The following NAALADL2 variants were observed in gnomAD, a reference collection of about 807,000 sequenced individuals.
NAALADL2 encodes N-acetylated alpha-linked acidic dipeptidase like 2, also known as inactive N-acetylated-alpha-linked acidic dipeptidase-like protein 2.
A neutral mutation model predicts 87.2 loss-of-function variants in NAALADL2; 76 were observed. That is an observed-to-expected ratio of 0.87 (90% confidence interval 0.72 to 1.05). The LOEUF (loss-of-function observed/expected upper bound fraction) is 1.05. NAALADL2 is among the 50% of genes least tolerant of loss of function. The pLI is 0.00. For synonymous variants in NAALADL2, 354 were observed against 331.0 expected (o/e 1.07, Z -0.75); for missense variants, 1,089 against 945.8 (o/e 1.15, Z -1.99).
intron 2 of NAALADL2, among the ~76,000 whole-genome samples, chr3:174,704,872 A>G (rs942957600): frequency 2.0e-5 from 3 of 152,212 alleles, no homozygotes; most frequent in South Asian, 4.1e-4. Context: ...ATTTAACAAT[A>G]CACTAATTGA....
At chr3:175,660,815 G>A (rs1222026211) in intron 11 of NAALADL2, among the ~76,000 whole-genome samples, 1 of 151,954 alleles carries the variant, frequency 6.6e-6, no homozygotes, top group Non-Finnish European at 1.5e-5. Flanking sequence ...AGATCCATCC[G>A]TGTTGCTGCA....
intron 2 of NAALADL2, among the ~76,000 whole-genome samples, chr3:174,604,920 C>G (rs562438812): frequency 6.6e-6 from 1 of 151,842 alleles, no homozygotes; most frequent in Non-Finnish European, 1.5e-5. Flanking sequence ...AGGCACGCAC[C>G]ACCACCCCGG....
intron 1 of NAALADL2, among the ~76,000 whole-genome samples, chr3:174,907,659 T>C (rs1021770368): frequency 6.6e-6 from 1 of 152,110 alleles, no homozygotes; most frequent in African/African-American, 2.4e-5. Flanking sequence ...TCCTTTTCTA[T>C]GATGACATCA....
At chr3:174,611,808 G>C (rs1401296839) in intron 2 of NAALADL2, among the ~76,000 whole-genome samples, 1 of 151,934 alleles carries the variant, frequency 6.6e-6, no homozygotes, top group East Asian at 1.9e-4. Flanking sequence ...TATTAGCCAG[G>C]CTGGTCTCAA....
intron 2 of NAALADL2, among the ~76,000 whole-genome samples, chr3:175,207,069 T>G (rs994825713): frequency 1.3e-5 from 2 of 152,266 alleles, no homozygotes; most frequent in Non-Finnish European, 2.9e-5. Flanking sequence ...ACGTATATAT[T>G]GTAACATAAA....
intron 3 of NAALADL2, among the ~76,000 whole-genome samples, chr3:174,809,312 T>C (rs2109286631): frequency 1.3e-5 from 2 of 152,248 alleles, no homozygotes; most frequent in East Asian, 3.9e-4. Context: ...GAGCTTTTAC[T>C]GAAAGGAACC....
chr3:175,556,221 A>AT (rs201427394), intron 9 of NAALADL2, among the ~76,000 whole-genome samples: 8 of 152,158 alleles, frequency 5.3e-5, no homozygotes, highest in African/African-American at 1.9e-4. Context: ...AGCAACAAGT[A>AT]TTTAAAAAAT....
At chr3:174,945,578 C>T (rs930402202) in intron 1 of NAALADL2, among the ~76,000 whole-genome samples, 3 of 152,126 alleles carry the variant, frequency 2.0e-5, no homozygotes, top group African/African-American at 7.2e-5. Flanking sequence ...AATTCTCAAA[C>T]GTTTTGAGCA....
At chr3:175,137,628 CAG>C (rs1729316470) in intron 2 of NAALADL2, among the ~76,000 whole-genome samples, 2 of 135,456 alleles carry the variant, frequency 1.5e-5, no homozygotes, top group East Asian at 2.2e-4. Flanking sequence ...TTTTTTGAGA[CAG>C]AGTCTCCCTC....
At position 174,703,657 on chromosome 3, in the gene NAALADL2, ATAGCTTAGTGGGATTTT is replaced by A. The variant is rs1729782059; in HGVS notation, c.-114-33978_-114-33962del. Among the ~76,000 whole-genome samples the A allele has an allele frequency of 2.0e-5, 3 of 152,220 alleles. No individual in the cohort carries two copies. In the South Asian group the frequency reaches 6.2e-4, roughly 32 times the overall value. On this transcript the variant is annotated intron_variant, in intron 2 of 3. Coordinates refer to the NAALADL2 transcript ENST00000434257. The stretch of plus-strand genomic sequence containing the variant: ...AAATGCATGGTCTGAACATTTTTTA[ATAGCTTAGTGGGATTTT>A]TAGCTACACCAGATTATCATGTAGA...
chr3:175,623,883 T>G (rs1726604930), intron 10 of NAALADL2, among the ~76,000 whole-genome samples: 1 of 151,966 alleles, frequency 6.6e-6, no homozygotes, highest in Non-Finnish European at 1.5e-5. Flanking sequence ...TTTTGTTTGT[T>G]TGTTTTTGAG....
In NAALADL2 at chr3:174,457,659, C is replaced by T. The variant is rs115070897; in HGVS notation, c.-184+16627C>T. 1.2e-3 allele frequency among the ~76,000 whole-genome samples: 185 copies of T among 152,172 alleles called. 1 individual carries two copies. The highest frequency in any genetic ancestry group is 4.2e-3 in the African/African-American group (175 of 41,530). ...GCCAATGTGGTGAAACCCATCTCTGCTAAAGATACAAAAAATTTACTGGGT... is the reference window on the plus strand; with the variant it reads ...GCCAATGTGGTGAAACCCATCTCTGTTAAAGATACAAAAAATTTACTGGGT... On this transcript the variant is annotated intron_variant, in intron 1 of 3. Transcript: ENST00000434257.
At chr3:175,081,372 G>C (rs554387923) in intron 1 of NAALADL2, among the ~76,000 whole-genome samples, 1 of 152,098 alleles carries the variant, frequency 6.6e-6, no homozygotes, top group Non-Finnish European at 1.5e-5. Flanking sequence ...ATGTTCACTG[G>C]TATCTATCTG....
At chr3:174,804,680 T>C (rs1264574569) in intron 3 of NAALADL2, among the ~76,000 whole-genome samples, 1 of 152,068 alleles carries the variant, frequency 6.6e-6, no homozygotes, top group African/African-American at 2.4e-5. Flanking sequence ...GACCCTAACT[T>C]AGACTAAAGA....
chr3:175,097,905 C>T (rs147371984), intron 2 of NAALADL2, among the ~76,000 whole-genome samples: 274 of 152,206 alleles, frequency 1.8e-3, no homozygotes, highest in African/African-American at 6.3e-3. Context: ...GAATCATGTA[C>T]GTTGTTTGTA....
chr3:175,091,238 C>G (rs1449400104), intron 1 of NAALADL2, among the ~76,000 whole-genome samples: 1 of 152,076 alleles, frequency 6.6e-6, no homozygotes. Context: ...TTCACTGTTG[C>G]AGTACCTAAA....
intron 4 of NAALADL2, among the ~76,000 whole-genome samples, chr3:175,289,067 T>C (rs544745610): frequency 6.6e-6 from 1 of 152,274 alleles, no homozygotes; most frequent in African/African-American, 2.4e-5. Context: ...ATAACTCTTT[T>C]GTATGGTTTA....
intron 3 of NAALADL2, among the ~76,000 whole-genome samples, chr3:174,816,484 C>T (rs112137523): frequency 0.012 from 1,758 of 143,422 alleles, 41 homozygotes; most frequent in African/African-American, 0.044. Context: ...AATAAATACA[C>T]GCATATATAT....
intron 1 of NAALADL2, among the ~76,000 whole-genome samples, chr3:174,985,656 T>C (rs1467935677): frequency 3.3e-5 from 5 of 152,000 alleles, no homozygotes; most frequent in Middle Eastern, 3.2e-3. Flanking sequence ...ATTTTCTGAG[T>C]TCTTAAAAAG....
Sources: gnomAD v4.1 joint callset for allele counts (sites outside exome capture counted in the v4.1 genomes callset) on GRCh38, gnomAD v4.1.1 for gene constraint, MANE v1.5 for transcripts, NCBI Gene and HGNC (gene_info 2026-07-23, HGNC 2026-07-21) for gene names.